Variants in CSMD1 observed in about 807,000 individuals in gnomAD.
CSMD1 encodes CUB and Sushi multiple domains 1, also known as CUB and sushi domain-containing protein 1.
In CSMD1, 213 loss-of-function variants were observed where a neutral mutation model predicts 417.5. That is an observed-to-expected ratio of 0.51 (90% CI 0.46 to 0.57). The LOEUF (loss-of-function observed/expected upper bound fraction) is 0.57. Ranked by LOEUF, CSMD1 falls within the 20% of genes least tolerant of loss-of-function variation. The pLI, the probability that CSMD1 is intolerant of heterozygous loss-of-function variation, is 0.00. For missense variants in CSMD1, 6,923 were observed against 4,529.7 expected, an observed-to-expected ratio of 1.53 and a Z score of -15.17; for synonymous variants, 2,862 against 1,736.8, an observed-to-expected ratio of 1.65 and a Z score of -16.11.
At chr8:3,511,693 G>C (rs759846401) in intron 10 of CSMD1, among the ~76,000 whole-genome samples, 1 of 151,712 alleles carries the variant, frequency 6.6e-6, no homozygotes, top group Non-Finnish European at 1.5e-5. Flanking sequence ...GGGCGGTGGA[G>C]GTTGTGGTGA....
At chr8:3,208,886 C>G (rs2116778969) in intron 30 of CSMD1, among the ~76,000 whole-genome samples, 1 of 152,184 alleles carries the variant, frequency 6.6e-6, no homozygotes, top group East Asian at 1.9e-4. Flanking sequence ...AATGGCTCTT[C>G]TTGTTCCTCA....
intron 39 of CSMD1, among the ~76,000 whole-genome samples, chr8:3,152,418 T>C (rs905422277): frequency 6.6e-6 from 1 of 152,232 alleles, no homozygotes; most frequent in Non-Finnish European, 1.5e-5. Flanking sequence ...AATGGCTTTA[T>C]TCTAACAATG....
chr8:4,554,128 A>G (rs1414398188), intron 2 of CSMD1, among the ~76,000 whole-genome samples: 1 of 152,104 alleles, frequency 6.6e-6, no homozygotes, highest in African/African-American at 2.4e-5. Flanking sequence ...TCACTTGTGG[A>G]AACAATCGCG....
intron 3 of CSMD1, among the ~76,000 whole-genome samples, chr8:4,054,578 G>A (rs936076852): frequency 1.3e-5 from 2 of 152,074 alleles, no homozygotes; most frequent in African/African-American, 4.8e-5. Context: ...CCCTCTTGGT[G>A]GTGTAGTCTA....
chr8:3,200,994 A>G (rs1372966362), intron 32 of CSMD1, among the ~76,000 whole-genome samples: 1 of 152,186 alleles, frequency 6.6e-6, no homozygotes, highest in Non-Finnish European at 1.5e-5. Context: ...TGCTATATTA[A>G]ACCGACTGAA....
chr8:4,704,400 T>G (rs185308772), intron 1 of CSMD1, among the ~76,000 whole-genome samples: 323 of 152,334 alleles, frequency 2.1e-3, no homozygotes, highest in Non-Finnish European at 3.2e-3. Flanking sequence ...GTTTATTTAC[T>G]TATCTATTGT....
intron 10 of CSMD1, among the ~76,000 whole-genome samples, chr8:3,496,163 G>C (rs957849910): frequency 1.4e-4 from 22 of 152,026 alleles, no homozygotes; most frequent in Admixed American, 1.4e-3. Context: ...GCGGTGTTTG[G>C]TTTTCTACTC....
intron 12 of CSMD1, among the ~76,000 whole-genome samples, chr8:3,452,870 T>A (rs891576566): frequency 6.6e-6 from 1 of 152,228 alleles, no homozygotes; most frequent in Non-Finnish European, 1.5e-5. Flanking sequence ...TTCTATTGAT[T>A]GGAATAGTTT....
At chr8:4,186,224 C>A (rs563087778) in intron 3 of CSMD1, among the ~76,000 whole-genome samples, 34 of 152,210 alleles carry the variant, frequency 2.2e-4, no homozygotes, top group African/African-American at 7.5e-4. Flanking sequence ...CTCAGGACGG[C>A]CAAACTGTGT....
intron 10 of CSMD1, among the ~76,000 whole-genome samples, chr8:3,519,082 C>G (rs957543132): frequency 6.6e-6 from 1 of 152,186 alleles, no homozygotes; most frequent in Non-Finnish European, 1.5e-5. Context: ...AGGAATTTGA[C>G]TTTTGTGCCT....
chr8:4,331,020 TTA>T (rs1282028734), intron 3 of CSMD1, among the ~76,000 whole-genome samples: 2 of 152,192 alleles, frequency 1.3e-5, no homozygotes, highest in East Asian at 3.8e-4. Flanking sequence ...TCTTAGTGCA[TTA>T]TCTTACACAT....
intron 25 of CSMD1, among the ~76,000 whole-genome samples, chr8:3,285,500 C>T (rs892431670): frequency 6.6e-6 from 1 of 151,890 alleles, no homozygotes; most frequent in Admixed American, 6.6e-5. Flanking sequence ...GATTCTCCTG[C>T]CTCAGCCTCC....
chr8:3,540,242 C>G (rs1263863343), intron 10 of CSMD1, among the ~76,000 whole-genome samples: 1 of 152,150 alleles, frequency 6.6e-6, no homozygotes, highest in African/African-American at 2.4e-5. Flanking sequence ...ACCAGCACTT[C>G]CTGATTCAAC....
chr8:2,985,236 C>T (rs1318231921), intron 54 of CSMD1, among the ~76,000 whole-genome samples: 1 of 152,184 alleles, frequency 6.6e-6, no homozygotes, highest in African/African-American at 2.4e-5. Context: ...AAAAAGAATC[C>T]TGTGGCCCCA....
At chr8:4,857,372 C>A (rs1316396212) in intron 1 of CSMD1, among the ~76,000 whole-genome samples, 1 of 151,570 alleles carries the variant, frequency 6.6e-6, no homozygotes, top group Non-Finnish European at 1.5e-5. Context: ...AAAGCAAGAG[C>A]AAACACATTC....
intron 2 of CSMD1, among the ~76,000 whole-genome samples, chr8:4,438,269 G>T (rs190254641): frequency 6.6e-6 from 1 of 152,292 alleles, no homozygotes; most frequent in South Asian, 2.1e-4. Context: ...CTTTAAGGTT[G>T]AAGAGACCTG....
chr8:3,182,697 G>GTGTA (rs1821436696), intron 36 of CSMD1, among the ~76,000 whole-genome samples: 1 of 129,024 alleles, frequency 7.8e-6, no homozygotes, highest in African/African-American at 2.8e-5. Context: ...GTGTGTGTAT[G>GTGTA]TGTGTGTATT....
intron 5 of CSMD1, among the ~76,000 whole-genome samples, chr8:3,774,655 T>C (rs1798803667): frequency 1.3e-5 from 2 of 152,192 alleles, no homozygotes; most frequent in Non-Finnish European, 2.9e-5. Flanking sequence ...ACAACCTAGC[T>C]GGAGACCAGT....
intron 3 of CSMD1, among the ~76,000 whole-genome samples, chr8:4,296,221 T>G (rs956579130): frequency 9.2e-5 from 14 of 152,100 alleles, no homozygotes; most frequent in African/African-American, 3.1e-4. Context: ...GGGTCCAGCT[T>G]AAAACCTTGA....
Sources: gnomAD v4.1 joint callset for allele counts (sites outside exome capture counted in the v4.1 genomes callset) on GRCh38, gnomAD v4.1.1 for gene constraint, MANE v1.5 for transcripts, NCBI Gene and HGNC (gene_info 2026-07-23, HGNC 2026-07-21) for gene names.